PPP1R1C: variants seen among roughly 807,000 people sequenced by gnomAD.
The protein encoded by PPP1R1C is protein phosphatase 1 regulatory subunit 1C.
PPP1R1C carries 15 observed loss-of-function variants against 17.4 expected under a neutral mutation model. The observed-to-expected ratio is 0.86, with a 90% CI of 0.58 to 1.33. PPP1R1C has a LOEUF of 1.33. PPP1R1C is among the 40% of genes most tolerant of loss of function. PPP1R1C has a pLI of 0.00. For missense variants in PPP1R1C, 143 were observed against 130.0 expected, an observed-to-expected ratio of 1.10 and a Z score of -0.48; for synonymous variants, 35 against 43.1, an observed-to-expected ratio of 0.81 and a Z score of 0.73.
In PPP1R1C at chr2:182,063,807, T is replaced by C. The variant is rs759453008; in HGVS notation, c.241+16T>C. 6.2e-7 allele frequency: 1 copy of C among 1,608,616 alleles called. No individual in the cohort carries two copies. The highest frequency in any genetic ancestry group is 8.5e-7 in the Non-Finnish European group (1 of 1,175,324). On this transcript the variant is annotated intron_variant, in intron 4 of 4. Transcript: ENST00000682840. ...ACCATAAAAGGTACTGTTCAGGTAC[T>C]GTTTCGGGTTGTCATGAGTGGTGAA...
rs113065377 is a variant in PPP1R1C, at chr2:182,001,503, A to C, written c.142+13604A>C. 3.9e-5 allele frequency among the ~76,000 whole-genome samples: 6 copies of C among 152,264 alleles called. 1 individual carries two copies. The highest frequency in any genetic ancestry group is 1.2e-4 in the African/African-American group (5 of 41,560). On this transcript the variant is annotated intron_variant, in intron 2 of 4. Coordinates refer to ENST00000682840, the MANE Select transcript of PPP1R1C (RefSeq NM_001080545.3). ...ATATAGGAGCTCAAGAGTCCAATTC[A>C]ATGCCATCAGATAGTAACCATCTCT...
intron 4 of PPP1R1C, among the ~76,000 whole-genome samples, chr2:182,094,378 C>G (rs1032547151): frequency 6.6e-6 from 1 of 152,310 alleles, no homozygotes; most frequent in African/African-American, 2.4e-5. Context: ...CAGAGCCATA[C>G]CATATCAGAG....
intron 2 of PPP1R1C, among the ~76,000 whole-genome samples, chr2:181,998,397 C>T (rs1390642720): frequency 6.6e-6 from 1 of 152,170 alleles, no homozygotes; most frequent in Non-Finnish European, 1.5e-5. Context: ...AATTTGTATC[C>T]TGTGATTTAT....
At chr2:181,994,321 G>T (rs1433035620) in intron 2 of PPP1R1C, among the ~76,000 whole-genome samples, 2 of 152,052 alleles carry the variant, frequency 1.3e-5, no homozygotes, top group East Asian at 3.9e-4. Context: ...TGTAAGGATT[G>T]AGTATAAAAA....
At position 182,105,595 on chromosome 2, in the gene PPP1R1C, T is replaced by G. The variant is rs140166221; in HGVS notation, c.242-11612T>G. On this transcript the variant is annotated intron_variant, in intron 4 of 4. Coordinates refer to ENST00000682840, the MANE Select transcript of PPP1R1C (RefSeq NM_001080545.3). ...TCTTCAAGAATGATTTTAGGAGAAC[T>G]GGTATAAAGAAATTTAGGGAAGTGC... is the stretch of plus-strand genomic sequence containing the variant. Among the ~76,000 whole-genome samples, 10 of 152,236 alleles carry G rather than the reference T, an allele frequency of 6.6e-5. No individual in the cohort carries two copies. The East Asian group carries it at 1.9e-3, about 29-fold the overall frequency.
intron 2 of PPP1R1C, chr2:182,049,037 A>T (rs939007138): frequency 6.6e-6 from 1 of 152,220 alleles, no homozygotes; most frequent in African/African-American, 2.4e-5. Flanking sequence ...CCTTATGATT[A>T]AATCTCTGAG....
At chr2:182,119,078 C>T (rs1231497405), downstream of PPP1R1C, among the ~76,000 whole-genome samples, 6 of 152,036 alleles carry the variant, frequency 3.9e-5, no homozygotes, top group East Asian at 1.9e-4. Flanking sequence ...CAGCAGGCCC[C>T]GGTGTGTGAT....
At chr2:182,093,782 C>T (rs892669221) in intron 4 of PPP1R1C, among the ~76,000 whole-genome samples, 2 of 152,180 alleles carry the variant, frequency 1.3e-5, no homozygotes, top group African/African-American at 2.4e-5. Flanking sequence ...TCCTCATTTC[C>T]ATCTGAGACC....
chr2:182,106,393 C>T (rs1243030858), intron 4 of PPP1R1C, among the ~76,000 whole-genome samples: 1 of 152,186 alleles, frequency 6.6e-6, no homozygotes, highest in Non-Finnish European at 1.5e-5. Flanking sequence ...AAAAAGTGCA[C>T]AGACAAGCAC....
chr2:182,049,748 A>G (rs1921143), intron 2 of PPP1R1C, among the ~76,000 whole-genome samples: 6,448 of 152,214 alleles, frequency 0.042, 419 homozygotes, highest in Admixed American at 0.18. Context: ...TCTGATTTGT[A>G]TATTTTCTAG....
chr2:182,085,196 C>A (rs1688594429), intron 4 of PPP1R1C, among the ~76,000 whole-genome samples: 1 of 152,074 alleles, frequency 6.6e-6, no homozygotes, highest in South Asian at 2.1e-4. Context: ...ATAATCATAT[C>A]ATTAGCAAAC....
chr2:181,960,424 A>C (rs1684750725), intron 1 of PPP1R1C, among the ~76,000 whole-genome samples: 1 of 152,246 alleles, frequency 6.6e-6, no homozygotes, highest in Non-Finnish European at 1.5e-5. Flanking sequence ...TCAAATTCAT[A>C]GAAGCATACA....
In PPP1R1C at chr2:181,964,697, T is replaced by TTTTATTTATTTATTTATTTA. The variant is rs147683694; in HGVS notation, n.111+10070_111+10089dup. Among the ~76,000 whole-genome samples the TTTTATTTATTTATTTATTTA allele has an allele frequency of 2.0e-5, 3 of 151,290 alleles. No homozygotes were observed. In the East Asian group the frequency reaches 5.8e-4, roughly 29 times the overall value. On this transcript the variant is annotated intron_variant and non_coding_transcript_variant, in intron 1 of 5. Coordinates refer to the PPP1R1C transcript ENST00000464264. ...TGAGATGACATCTCACTGTAGTTTA[T>TTTTATTTATTTATTTATTTA]TTTATTTATTTATTTATTTATTTAT...
intron 1 of PPP1R1C, among the ~76,000 whole-genome samples, chr2:181,987,161 CACTT>C (rs1685323009): frequency 6.6e-6 from 1 of 151,756 alleles, no homozygotes; most frequent in Non-Finnish European, 1.5e-5. Flanking sequence ...ATCCTACTGA[CACTT>C]ACTTTGGGTA....
At chr2:182,118,813 C>T (rs140680435), downstream of PPP1R1C, among the ~76,000 whole-genome samples, 2,586 of 151,790 alleles carry the variant, frequency 0.017, 39 homozygotes, top group South Asian at 0.059. Context: ...TCCCTCCCTC[C>T]TTCTCTTCCT....
At chr2:182,015,125 T>C (rs1686219895) in intron 2 of PPP1R1C, among the ~76,000 whole-genome samples, 2 of 152,214 alleles carry the variant, frequency 1.3e-5, no homozygotes, top group South Asian at 2.1e-4. Flanking sequence ...AGGAGTCCGA[T>C]ATGGTTTGGC....
intron 2 of PPP1R1C, among the ~76,000 whole-genome samples, chr2:182,013,070 T>C (rs1370886751): frequency 6.6e-6 from 1 of 152,158 alleles, no homozygotes; most frequent in Non-Finnish European, 1.5e-5. Flanking sequence ...ACACCATAGT[T>C]ACAGTGTCAT....
intron 2 of PPP1R1C, among the ~76,000 whole-genome samples, chr2:181,997,161 G>A (rs1451609429): frequency 6.6e-5 from 10 of 151,636 alleles, no homozygotes; most frequent in African/African-American, 1.5e-4. Flanking sequence ...CCCGGGAGGC[G>A]GAGCTTGCAG....
chr2:182,119,877 G>T (rs1232472263), downstream of PPP1R1C, among the ~76,000 whole-genome samples: 6 of 152,158 alleles, frequency 3.9e-5, no homozygotes, highest in Non-Finnish European at 8.8e-5. Flanking sequence ...TCTGATGGTA[G>T]TTTCTTTCGC....
Sources: gnomAD v4.1 joint callset for allele counts (sites outside exome capture counted in the v4.1 genomes callset) on GRCh38, gnomAD v4.1.1 for gene constraint, MANE v1.5 for transcripts, NCBI Gene and HGNC (gene_info 2026-07-23, HGNC 2026-07-21) for gene names.